TMEM117: variants seen among roughly 807,000 people sequenced by gnomAD.
The protein encoded by TMEM117 is transmembrane protein 117.
In TMEM117, 27 loss-of-function variants were observed where a neutral mutation model predicts 52.4. The ratio of observed to expected loss-of-function variants is 0.51; its 90% CI spans 0.38 to 0.71. TMEM117 has a LOEUF of 0.71. Among genes scored for constraint, TMEM117 ranks in the 30% least tolerant of loss-of-function variants. The pLI is 0.00. For missense variants in TMEM117, 556 were observed against 630.5 expected, an observed-to-expected ratio of 0.88 and a Z score of 1.26; for synonymous variants, 215 against 206.3, an observed-to-expected ratio of 1.04 and a Z score of -0.36.
At chr12:43,960,756 A>G (rs1443000926) in intron 3 of TMEM117, among the ~76,000 whole-genome samples, 3 of 152,212 alleles carry the variant, frequency 2.0e-5, no homozygotes, top group African/African-American at 7.2e-5. Flanking sequence ...TCTTAACTAC[A>G]TAGAGCAAAA....
At chr12:43,894,108 C>T (rs1016173196) in intron 2 of TMEM117, among the ~76,000 whole-genome samples, 3 of 152,152 alleles carry the variant, frequency 2.0e-5, no homozygotes, top group African/African-American at 7.2e-5. Context: ...AAATCACAGG[C>T]CAGCTCAGAT....
chr12:43,876,613 CCTGT>C (rs1463450984), intron 2 of TMEM117, among the ~76,000 whole-genome samples: 1 of 152,106 alleles, frequency 6.6e-6, no homozygotes. Flanking sequence ...TTTAACCTGT[CCTGT>C]CTACCTTCTG....
chr12:43,973,963 T>G (rs1198236437), intron 3 of TMEM117, among the ~76,000 whole-genome samples: 1 of 152,216 alleles, frequency 6.6e-6, no homozygotes, highest in South Asian at 2.1e-4. Flanking sequence ...ATCTTTTTTG[T>G]CAGTTTAGAT....
chr12:43,824,437 A>G, the TMEM117 span, among the ~76,000 whole-genome samples: 733 of 152,322 alleles, frequency 4.8e-3, 7 homozygotes, highest in African/African-American at 0.016. Flanking sequence ...TAGCAGCTCT[A>G]GTTCTCTCAA....
intron 5 of TMEM117, among the ~76,000 whole-genome samples, chr12:44,235,549 A>G (rs2138464691): frequency 6.6e-6 from 1 of 151,912 alleles, no homozygotes; most frequent in African/African-American, 2.4e-5. Context: ...TATAAAAGTT[A>G]TAAACTCTGC....
chr12:43,959,010 T>C (rs983740783), intron 3 of TMEM117, among the ~76,000 whole-genome samples: 1 of 152,098 alleles, frequency 6.6e-6, no homozygotes, highest in Admixed American at 6.5e-5. Context: ...GGTTTCACCA[T>C]GTTCGCCAGG....
chr12:44,102,908 A>G (rs1283284227), intron 3 of TMEM117, among the ~76,000 whole-genome samples: 1 of 151,940 alleles, frequency 6.6e-6, no homozygotes, highest in Non-Finnish European at 1.5e-5. Context: ...TGGTTTTATA[A>G]GGAGATTTTC....
intron 3 of TMEM117, among the ~76,000 whole-genome samples, chr12:43,971,641 A>G (rs1945589331): frequency 6.6e-6 from 1 of 152,200 alleles, no homozygotes; most frequent in East Asian, 1.9e-4. Context: ...GTCAGGTAAA[A>G]TGTTTCTTCT....
Position 43,871,154 on chromosome 12 carries a change from G to A in TMEM117, c.277+26226G>A, listed in dbSNP as rs534865994. 2.0e-5 allele frequency among the ~76,000 whole-genome samples: 3 copies of A among 151,522 alleles called. No homozygotes were observed. The East Asian group carries it at 5.8e-4, about 29-fold the overall frequency. ...GTCTTGCTCTGTCGCCCAGGCTGGA[G>A]TGCAGTGGCACGATCTCAGCTCTCT... On this transcript the variant is annotated intron_variant, in intron 2 of 7. Transcript: ENST00000266534.
intron 3 of TMEM117, among the ~76,000 whole-genome samples, chr12:44,140,281 G>T (rs920963104): frequency 6.6e-6 from 1 of 152,010 alleles, no homozygotes; most frequent in African/African-American, 2.4e-5. Flanking sequence ...ATTTTTAGAA[G>T]TTTTTAATAT....
chr12:44,199,930 C>T (rs1013356065), intron 4 of TMEM117, among the ~76,000 whole-genome samples: 1 of 152,052 alleles, frequency 6.6e-6, no homozygotes, highest in African/African-American at 2.4e-5. Context: ...CCAGCCTGGT[C>T]AACATGGTGA....
the TMEM117 span, chr12:43,806,072 C>G: frequency 7.9e-6 from 12 of 1,516,848 alleles, no homozygotes; most frequent in East Asian, 2.8e-4. Flanking sequence ...GAAGCAGGAG[C>G]GCGGAGAGGC....
At chr12:44,097,540 A>T (rs2138064013) in intron 3 of TMEM117, among the ~76,000 whole-genome samples, 1 of 152,178 alleles carries the variant, frequency 6.6e-6, no homozygotes, top group African/African-American at 2.4e-5. Context: ...CAGCCATAAA[A>T]AATGATGAGT....
intron 2 of TMEM117, among the ~76,000 whole-genome samples, chr12:43,898,495 A>G (rs991407798): frequency 6.6e-6 from 1 of 151,976 alleles, no homozygotes; most frequent in Admixed American, 6.6e-5. Flanking sequence ...CTTGAACCTC[A>G]CATTTCTAGA....
chr12:44,277,169 T>A (rs1423180533), intron 5 of TMEM117, among the ~76,000 whole-genome samples: 1 of 152,190 alleles, frequency 6.6e-6, no homozygotes, highest in Non-Finnish European at 1.5e-5. Context: ...TATTTTCTAA[T>A]TCAATGATCA....
chr12:43,874,264 A>G (rs962556149), intron 2 of TMEM117, among the ~76,000 whole-genome samples: 9 of 152,126 alleles, frequency 5.9e-5, no homozygotes, highest in Non-Finnish European at 1.5e-5. Context: ...TTTCATGGGT[A>G]AGAGGTCAGA....
intron 2 of TMEM117, among the ~76,000 whole-genome samples, chr12:43,912,065 C>T (rs10880583): frequency 0.69 from 89,672 of 130,454 alleles, 33,682 homozygotes; most frequent in East Asian, 0.85. Flanking sequence ...TATTGTGGCA[C>T]TATTCACAAT....
intron 3 of TMEM117, among the ~76,000 whole-genome samples, chr12:44,133,672 A>T (rs1304095751): frequency 1.3e-5 from 2 of 152,112 alleles, no homozygotes; most frequent in African/African-American, 4.8e-5. Context: ...TTCACTTCTA[A>T]TTTGAAGGGC....
At chr12:43,871,141 C>T (rs1163485544) in intron 2 of TMEM117, among the ~76,000 whole-genome samples, 3 of 146,770 alleles carry the variant, frequency 2.0e-5, no homozygotes, top group African/African-American at 7.7e-5. Flanking sequence ...CTTGCTCTGT[C>T]GCCCAGGCTG....
Sources: gnomAD v4.1 joint callset for allele counts (sites outside exome capture counted in the v4.1 genomes callset) on GRCh38, gnomAD v4.1.1 for gene constraint, MANE v1.5 for transcripts, NCBI Gene and HGNC (gene_info 2026-07-23, HGNC 2026-07-21) for gene names.